Variants in RAD18 observed in about 807,000 individuals in gnomAD.
RAD18 encodes the protein RAD18 E3 ubiquitin protein ligase.
A neutral mutation model predicts 60.4 loss-of-function variants in RAD18; 47 were observed. The observed-to-expected ratio is 0.78, with a 90% confidence interval of 0.62 to 0.99. The LOEUF (loss-of-function observed/expected upper bound fraction) is 0.99. Among genes scored for constraint, RAD18 ranks in the 50% least tolerant of loss-of-function variants. The probability of loss-of-function intolerance (pLI) is 0.00; values close to 1 mark genes in which losing one functional copy is unlikely to be tolerated. For synonymous variants in RAD18, 225 were observed against 195.5 expected (o/e 1.15, Z -1.26); for missense variants, 640 against 593.3 (o/e 1.08, Z -0.82).
intron 7 of RAD18, among the ~76,000 whole-genome samples, chr3:8,922,544 T>C (rs1241252044): frequency 6.6e-6 from 1 of 152,234 alleles, no homozygotes; most frequent in African/African-American, 2.4e-5. Context: ...TAAATGTCCC[T>C]GTCTGACAGC....
At chr3:8,882,419 C>T (rs1021835254) in intron 12 of RAD18, among the ~76,000 whole-genome samples, 10 of 152,176 alleles carry the variant, frequency 6.6e-5, no homozygotes, top group African/African-American at 2.4e-4. Flanking sequence ...CTTACACTGA[C>T]ACCACGCAGA....
At chr3:8,918,192 C>A (rs1351793102) in intron 7 of RAD18, among the ~76,000 whole-genome samples, 1 of 151,932 alleles carries the variant, frequency 6.6e-6, no homozygotes, top group Non-Finnish European at 1.5e-5. Flanking sequence ...GTGGCTCATG[C>A]CTGTAGTCCC....
At chr3:8,957,174 T>A (rs559493917) in intron 2 of RAD18, among the ~76,000 whole-genome samples, 12 of 152,268 alleles carry the variant, frequency 7.9e-5, no homozygotes, top group African/African-American at 2.6e-4. Context: ...ACAACACTGT[T>A]GAGAGAAATA....
At chr3:8,943,025 T>C (rs1384239486) in intron 4 of RAD18, among the ~76,000 whole-genome samples, 1 of 152,118 alleles carries the variant, frequency 6.6e-6, no homozygotes, top group Non-Finnish European at 1.5e-5. Context: ...TGAAGAAATA[T>C]AAACAAAGCT....
chr3:8,891,698 C>T (rs137889585), intron 11 of RAD18, among the ~76,000 whole-genome samples: 11 of 152,300 alleles, frequency 7.2e-5, no homozygotes, highest in Non-Finnish European at 1.6e-4. Context: ...CTCAGGCACT[C>T]ACCTGAATGA....
At chr3:8,938,588 C>T (rs567487037) in intron 6 of RAD18, among the ~76,000 whole-genome samples, 2 of 152,224 alleles carry the variant, frequency 1.3e-5, no homozygotes, top group East Asian at 1.9e-4. Context: ...TTGCCCTTGC[C>T]TCCTGTTTCA....
At chr3:8,901,545 C>T (rs1216742455) in intron 10 of RAD18, among the ~76,000 whole-genome samples, 1 of 152,138 alleles carries the variant, frequency 6.6e-6, no homozygotes, top group African/African-American at 2.4e-5. Context: ...GAAGCCAACA[C>T]ACAAAGACAA....
chr3:8,897,932 C>T lies in RAD18; in HGVS notation c.1322+962G>A, dbSNP rs7649755. On this transcript the variant is annotated intron_variant, in intron 11 of 12. Transcript: ENST00000264926. ...TGTACAAAAAAAAAAATTAGCCAGG[C>T]GTGGTGGCACAGGCCTGTAATCCCA... Among the ~76,000 whole-genome samples, 133 of 151,964 alleles carry T rather than the reference C, an allele frequency of 8.8e-4. 1 individual carries two copies. Among genetic ancestry groups the T allele is most frequent in the African/African-American group, 3.1e-3 (129 of 41,442 alleles).
chr3:8,893,389 A>G (rs1245275479), intron 11 of RAD18, among the ~76,000 whole-genome samples: 1 of 152,356 alleles, frequency 6.6e-6, no homozygotes, highest in Middle Eastern at 3.4e-3. Flanking sequence ...ATTTAAAACA[A>G]TAACTCTTCA....
chr3:8,953,827 T>G (rs1940963660), intron 2 of RAD18, among the ~76,000 whole-genome samples: 1 of 152,008 alleles, frequency 6.6e-6, no homozygotes, highest in Non-Finnish European at 1.5e-5. Flanking sequence ...TTTTTTTTTT[T>G]CCTTTTGTGG....
intron 1 of RAD18, among the ~76,000 whole-genome samples, chr3:8,962,186 T>C (rs886381994): frequency 2.0e-5 from 3 of 152,192 alleles, no homozygotes; most frequent in African/African-American, 4.8e-5. Context: ...CTCTAATTTA[T>C]AGTTGAAGAA....
chr3:8,925,406 G>A (rs1199311323), intron 7 of RAD18, among the ~76,000 whole-genome samples: 1 of 152,166 alleles, frequency 6.6e-6, no homozygotes, highest in Admixed American at 6.5e-5. Context: ...CTCTGAAATT[G>A]AGGCAATAAT....
rs563742954 is a variant in RAD18, at chr3:8,878,964, C to A, written c.*2393G>T. 9.0e-4 allele frequency: 137 copies of A among 152,320 alleles called. No individual in the cohort carries two copies. Among genetic ancestry groups the A allele is most frequent in the African/African-American group, 3.2e-3 (135 of 41,572 alleles). The allele number at this position is 152,320 out of a possible 1,614,324, so 9.4% of individuals were successfully genotyped here. A position where few individuals can be genotyped will look rare whatever the true frequency, so the allele number is the denominator to read the frequency against. ...AAGTTTATCAGTTTCAATTTTGGAT[C>A]TATTACTTACTCTAAGTTCCTTAAT... On this transcript the variant is annotated 3_prime_UTR_variant, in exon 13 of 13. Coordinates refer to ENST00000264926, the MANE Select transcript of RAD18 (RefSeq NM_020165.4).
chr3:8,941,569 T>C lies in RAD18; in HGVS notation c.502A>G (p.Lys168Glu). Reference sequence around the variant, plus strand: ...TCTACAGAACGTGTCTCTTTGGTCTTTGCAGCAGGGCTCGCCTCTTTTTGA... The same window carrying C: ...TCTACAGAACGTGTCTCTTTGGTCTCTGCAGCAGGGCTCGCCTCTTTTTGA... ...SPQKEASPAA[K>E]TKETRSVEEI... Residue 168 changes from lysine to glutamate, a missense_variant, in exon 5 of 13, where the codon AAG (lysine) becomes GAG (glutamate). By Grantham distance (56) the Lys-to-Glu change is moderately conservative. Coordinates refer to ENST00000264926, the MANE Select transcript of RAD18 (RefSeq NM_020165.4). The C allele has an allele frequency of 6.2e-7, 1 of 1,614,182 alleles. No individual in the cohort carries two copies. The highest frequency in any genetic ancestry group is 8.5e-7 in the Non-Finnish European group (1 of 1,180,024).
intron 11 of RAD18, 98 bp downstream of exon 11, chr3:8,898,796 C>A: frequency 9.5e-7 from 1 of 1,052,852 alleles, no homozygotes; most frequent in South Asian, 1.9e-5. Context: ...ACACACCATG[C>A]CATGCCTCAA....
At chr3:8,897,933 G>C (rs553605505) in intron 11 of RAD18, among the ~76,000 whole-genome samples, 1 of 152,164 alleles carries the variant, frequency 6.6e-6, no homozygotes, top group African/African-American at 2.4e-5. Flanking sequence ...TTAGCCAGGC[G>C]TGGTGGCACA....
chr3:8,958,815 G>C (rs894528134), intron 2 of RAD18, 105 bp downstream of exon 2: 1 of 886,946 alleles, frequency 1.1e-6, no homozygotes, highest in South Asian at 1.5e-5. Flanking sequence ...AGATAGAAGA[G>C]CTAAAGGTGA....
intron 7 of RAD18, among the ~76,000 whole-genome samples, chr3:8,920,969 C>T (rs1019918550): frequency 4.6e-5 from 7 of 152,182 alleles, no homozygotes; most frequent in African/African-American, 1.7e-4. Context: ...GTTAAATCTA[C>T]TACAAGTACT....
intron 12 of RAD18, among the ~76,000 whole-genome samples, chr3:8,888,387 T>G (rs1400233209): frequency 6.6e-6 from 1 of 152,254 alleles, no homozygotes; most frequent in Non-Finnish European, 1.5e-5. Flanking sequence ...TATGGAGCCA[T>G]GTGTTGCTAA....
Sources: gnomAD v4.1 joint callset for allele counts (sites outside exome capture counted in the v4.1 genomes callset) on GRCh38, gnomAD v4.1.1 for gene constraint, MANE v1.5 for transcripts, NCBI Gene and HGNC (gene_info 2026-07-23, HGNC 2026-07-21) for gene names.